Variants in ZNF804B observed in about 807,000 individuals in gnomAD.
ZNF804B encodes the protein zinc finger protein 804B.
ZNF804B carries 80 observed loss-of-function variants against 101.4 expected under a neutral mutation model. The ratio of observed to expected loss-of-function variants is 0.79; its 90% CI spans 0.66 to 0.95. The LOEUF (loss-of-function observed/expected upper bound fraction) is 0.95. Ranked by LOEUF, ZNF804B falls within the 40% of genes least tolerant of loss-of-function variation. The pLI, the probability that ZNF804B is intolerant of heterozygous loss-of-function variation, is 0.00. For missense variants in ZNF804B, 1,673 were observed against 1,561.9 expected (o/e 1.07, Z -1.20); for synonymous variants, 622 against 558.8 (o/e 1.11, Z -1.59).
intron 2 of ZNF804B, among the ~76,000 whole-genome samples, chr7:89,251,803 T>A (rs1041393566): frequency 6.6e-6 from 1 of 151,934 alleles, no homozygotes; most frequent in Non-Finnish European, 1.5e-5. Flanking sequence ...AAACAAGCAA[T>A]GGGGAAAGGA....
chr7:88,999,547 G>A (rs751283507), intron 1 of ZNF804B, among the ~76,000 whole-genome samples: 22 of 151,790 alleles, frequency 1.4e-4, no homozygotes, highest in Non-Finnish European at 2.2e-4. Flanking sequence ...TCTATCTTTC[G>A]TTCAGTGCAC....
At position 88,854,414 on chromosome 7, in the gene ZNF804B, C is replaced by CCTTTCTCTTTCTTT. The variant is rs1554340150; in HGVS notation, c.108+94336_108+94337insCTTTCTTTCTTTCT. Among the ~76,000 whole-genome samples, 7 of 57,112 alleles carry CCTTTCTCTTTCTTT rather than the reference C, an allele frequency of 1.2e-4. 1 individual carries two copies. The highest frequency in any genetic ancestry group is 4.4e-4 in the African/African-American group (7 of 15,944). 37.5% of individuals were successfully genotyped at this position (57,112 alleles called of 152,430 possible). On this transcript the variant is annotated intron_variant, in intron 1 of 3. Transcript: ENST00000333190. ...TTCTTTCTTTCTTTCTTTCTTTCTT[C>CCTTTCTCTTTCTTT]CTTTCTTTCTTTCTTTCTTTCTTTC...
chr7:88,823,205 A>AAAAAC (rs768873975), intron 1 of ZNF804B, among the ~76,000 whole-genome samples: 2 of 152,120 alleles, frequency 1.3e-5, no homozygotes, highest in African/African-American at 2.4e-5. Context: ...AGACTGTCTA[A>AAAAAC]AAAACAAAAC....
At chr7:89,025,207 A>T (rs988481319) in intron 1 of ZNF804B, among the ~76,000 whole-genome samples, 2 of 152,138 alleles carry the variant, frequency 1.3e-5, no homozygotes, top group East Asian at 3.8e-4. Flanking sequence ...AATTAACTCA[A>T]TTATGATAGT....
In ZNF804B at chr7:89,335,564, A is replaced by G. The variant is rs929411245; in HGVS notation, c.2582A>G (p.Lys861Arg). Residue 861 changes from lysine to arginine, a missense_variant, in exon 4 of 4, where the codon AAA becomes AGA. Coordinates refer to ENST00000333190, the MANE Select transcript of ZNF804B (RefSeq NM_181646.5). Reference protein sequence around the residue: ...HDRLDSYSIEKMYYLNKSKRN... With the variant: ...HDRLDSYSIERMYYLNKSKRN... ...AGATTGGACTCTTACTCAATAGAGA[A>G]AATGTATTACTTGAATAAAAGCAAG... 2 of 1,613,848 alleles carry G rather than the reference A, an allele frequency of 1.2e-6. No homozygotes were observed. The highest frequency in any genetic ancestry group is 2.7e-5 in the African/African-American group (2 of 74,892).
chr7:88,967,406 C>T (rs895577522), intron 1 of ZNF804B, among the ~76,000 whole-genome samples: 1 of 151,518 alleles, frequency 6.6e-6, no homozygotes. Flanking sequence ...CCCCATGATC[C>T]AATCATGTCC....
At chr7:88,903,071 A>T (rs1792416430) in intron 1 of ZNF804B, among the ~76,000 whole-genome samples, 1 of 152,054 alleles carries the variant, frequency 6.6e-6, no homozygotes. Flanking sequence ...TACCCAATAG[A>T]TAGTTTTTCA....
At chr7:89,258,633 A>G (rs1178515376) in intron 2 of ZNF804B, among the ~76,000 whole-genome samples, 5 of 152,160 alleles carry the variant, frequency 3.3e-5, no homozygotes, top group Non-Finnish European at 5.9e-5. Context: ...ACATCCATGT[A>G]TAACTTTTAA....
chr7:88,870,576 T>C (rs1791807808), intron 1 of ZNF804B, among the ~76,000 whole-genome samples: 1 of 152,018 alleles, frequency 6.6e-6, no homozygotes, highest in Admixed American at 6.5e-5. Flanking sequence ...TTTTCTTTAA[T>C]GACAAATGAC....
At chr7:88,764,468 T>C (rs1789949971) in intron 1 of ZNF804B, among the ~76,000 whole-genome samples, 2 of 152,166 alleles carry the variant, frequency 1.3e-5, no homozygotes. Flanking sequence ...TTAAGTTGTA[T>C]AGCTGATTAA....
chr7:89,007,895 T>C (rs562048700), intron 1 of ZNF804B, among the ~76,000 whole-genome samples: 197 of 151,938 alleles, frequency 1.3e-3, no homozygotes, highest in Non-Finnish European at 1.7e-3. Context: ...GCAAAATTAG[T>C]TAATAACCTA....
At chr7:88,775,208 T>C (rs1790123821) in intron 1 of ZNF804B, among the ~76,000 whole-genome samples, 1 of 152,218 alleles carries the variant, frequency 6.6e-6, no homozygotes, top group African/African-American at 2.4e-5. Flanking sequence ...AGTCCTAGAA[T>C]TGGGTAAGAC....
At chr7:88,879,157 C>A (rs1263402064) in intron 1 of ZNF804B, among the ~76,000 whole-genome samples, 1 of 152,130 alleles carries the variant, frequency 6.6e-6, no homozygotes, top group African/African-American at 2.4e-5. Context: ...TGAATGTTAG[C>A]GTCAATTACT....
At chr7:88,948,682 T>C (rs1417799967) in intron 1 of ZNF804B, among the ~76,000 whole-genome samples, 1 of 151,858 alleles carries the variant, frequency 6.6e-6, no homozygotes, top group Non-Finnish European at 1.5e-5. Context: ...TCATCTTTCA[T>C]GTGTAATGGA....
Position 89,173,848 on chromosome 7 carries a change from A to G in ZNF804B, c.109-44307A>G, listed in dbSNP as rs371235554. Reference sequence around the variant, plus strand: ...AGTTAGAGTAGTGATTCTTATGATGAAAAGGGACTGTGACACAGCATGATG... The same window carrying G: ...AGTTAGAGTAGTGATTCTTATGATGGAAAGGGACTGTGACACAGCATGATG... On this transcript the variant is annotated intron_variant, in intron 1 of 3. Coordinates refer to ENST00000333190, the MANE Select transcript of ZNF804B (RefSeq NM_181646.5). 1.4e-4 allele frequency among the ~76,000 whole-genome samples: 22 copies of G among 152,060 alleles called. 1 individual carries two copies. The highest frequency in any genetic ancestry group is 4.3e-4 in the African/African-American group (18 of 41,440).
intron 2 of ZNF804B, among the ~76,000 whole-genome samples, chr7:89,284,876 C>T (rs534574543): frequency 1.3e-5 from 2 of 151,830 alleles, no homozygotes; most frequent in African/African-American, 4.8e-5. Context: ...AACCAAGTGG[C>T]AGCAGATGAG....
At chr7:89,187,241 C>A (rs1318202985) in intron 1 of ZNF804B, among the ~76,000 whole-genome samples, 1 of 152,076 alleles carries the variant, frequency 6.6e-6, no homozygotes, top group Non-Finnish European at 1.5e-5. Flanking sequence ...GTTTCCAAAT[C>A]TTTTTCTTTT....
At chr7:88,842,857 C>G (rs1228387007) in intron 1 of ZNF804B, among the ~76,000 whole-genome samples, 1 of 152,154 alleles carries the variant, frequency 6.6e-6, no homozygotes, top group Non-Finnish European at 1.5e-5. Context: ...GATTCATTCT[C>G]AAATCATTTG....
chr7:88,811,552 A>G (rs1790787766), intron 1 of ZNF804B, among the ~76,000 whole-genome samples: 1 of 152,236 alleles, frequency 6.6e-6, no homozygotes, highest in Non-Finnish European at 1.5e-5. Context: ...TATTTACAAT[A>G]TCAAAGATAT....
Sources: gnomAD v4.1 joint callset for allele counts (sites outside exome capture counted in the v4.1 genomes callset) on GRCh38, gnomAD v4.1.1 for gene constraint, MANE v1.5 for transcripts, NCBI Gene and HGNC (gene_info 2026-07-23, HGNC 2026-07-21) for gene names.